ZMAT4: variants seen among roughly 807,000 people sequenced by gnomAD.
ZMAT4 encodes zinc finger matrin-type 4.
A neutral mutation model predicts 28.7 loss-of-function variants in ZMAT4; 17 were observed. The ratio of observed to expected loss-of-function variants is 0.59; its 90% confidence interval spans 0.41 to 0.89. The LOEUF is 0.89. Among genes scored for constraint, ZMAT4 ranks in the 40% least tolerant of loss-of-function variants. ZMAT4 has a pLI of 0.00. For missense variants in ZMAT4, 240 were observed against 283.8 expected, an observed-to-expected ratio of 0.85 and a Z score of 1.11; for synonymous variants, 117 against 109.2, an observed-to-expected ratio of 1.07 and a Z score of -0.44.
At chr8:40,656,725 C>CA (rs989266029) in intron 5 of ZMAT4, among the ~76,000 whole-genome samples, 6 of 151,406 alleles carry the variant, frequency 4.0e-5, no homozygotes, top group South Asian at 2.1e-4. Flanking sequence ...ATGCATATAT[C>CA]AAAAAAAACC....
chr8:40,662,098 T>G (rs2118858500), intron 5 of ZMAT4, among the ~76,000 whole-genome samples: 1 of 152,202 alleles, frequency 6.6e-6, no homozygotes, highest in Admixed American at 6.5e-5. Flanking sequence ...CAGTTCAACC[T>G]CCTGTGTAGC....
intron 5 of ZMAT4, among the ~76,000 whole-genome samples, chr8:40,617,312 T>C (rs1585765422): frequency 1.3e-5 from 2 of 152,302 alleles, no homozygotes; most frequent in South Asian, 4.1e-4. Context: ...AAATACACAT[T>C]TCGGGGTCCC....
intron 3 of ZMAT4, among the ~76,000 whole-genome samples, chr8:40,698,022 G>A (rs188661867): frequency 1.3e-5 from 2 of 152,170 alleles, no homozygotes; most frequent in Admixed American, 6.5e-5. Context: ...TTGTTATTCC[G>A]CTCTGCTTTT....
chr8:40,714,998 G>A (rs538436630), intron 3 of ZMAT4, among the ~76,000 whole-genome samples: 70 of 130,668 alleles, frequency 5.4e-4, no homozygotes, highest in African/African-American at 1.9e-3. Context: ...GCAGTGAGCC[G>A]AGATCGCTCC....
intron 2 of ZMAT4, among the ~76,000 whole-genome samples, chr8:40,802,873 C>G (rs753174741): frequency 2.6e-5 from 4 of 152,072 alleles, no homozygotes; most frequent in Non-Finnish European, 5.9e-5. Flanking sequence ...AAAGAATAGA[C>G]AAATTGACCA....
At chr8:40,645,892 G>T (rs1368732230) in intron 5 of ZMAT4, among the ~76,000 whole-genome samples, 1 of 151,994 alleles carries the variant, frequency 6.6e-6, no homozygotes. Flanking sequence ...ATATAGCAAT[G>T]TAACAATAAT....
In ZMAT4 at chr8:40,868,399, G is replaced by A. The variant is rs540432060; in HGVS notation, c.-5+29284C>T. The stretch of plus-strand genomic sequence containing the variant: ...CTGCCTGCAGGAGCAGCTAAGCCCT[G>A]CTACAGAACCACAGGGGAGGAAGTA... On this transcript the variant is annotated intron_variant, in intron 1 of 6. Coordinates refer to ENST00000297737, the MANE Select transcript of ZMAT4 (RefSeq NM_024645.3). Among the ~76,000 whole-genome samples, 197 of 152,232 alleles carry A rather than the reference G, an allele frequency of 1.3e-3. 1 individual carries two copies. The highest frequency in any genetic ancestry group is 4.5e-3 in the African/African-American group (187 of 41,548).
intron 3 of ZMAT4, among the ~76,000 whole-genome samples, chr8:40,724,782 T>C (rs1317481396): frequency 6.6e-6 from 1 of 152,080 alleles, no homozygotes; most frequent in Non-Finnish European, 1.5e-5. Context: ...CTATGTGAGA[T>C]GTGGAGATGA....
At chr8:40,684,045 G>A (rs1248270597) in intron 4 of ZMAT4, among the ~76,000 whole-genome samples, 1 of 151,618 alleles carries the variant, frequency 6.6e-6, no homozygotes, top group Admixed American at 6.6e-5. Flanking sequence ...TCTAGCCTGG[G>A]ACCAGAGGAG....
chr8:40,846,917 G>T (rs1352937464), intron 1 of ZMAT4, among the ~76,000 whole-genome samples: 1 of 152,162 alleles, frequency 6.6e-6, no homozygotes, highest in Non-Finnish European at 1.5e-5. Context: ...TAAAAAAGGA[G>T]TGGGGAATGC....
chr8:40,716,277 G>C (rs1264758364), intron 3 of ZMAT4, among the ~76,000 whole-genome samples: 3 of 152,184 alleles, frequency 2.0e-5, no homozygotes, highest in African/African-American at 7.2e-5. Context: ...CGCCAGACCT[G>C]CTGCATCAGA....
rs1812498620 is a variant in ZMAT4 at position 40,752,577 on chromosome 8, TC to T, written c.192+15063del. On this transcript the variant is annotated intron_variant, in intron 3 of 6. Coordinates refer to ENST00000297737, the MANE Select transcript of ZMAT4 (RefSeq NM_024645.3). ...GCAGTCATGGACTTAAAGATCAGCATCCCTGTGACCGCGGGACGGGACAGCA... is the reference window on the plus strand; with the variant it reads ...GCAGTCATGGACTTAAAGATCAGCATCCTGTGACCGCGGGACGGGACAGCA... Among the ~76,000 whole-genome samples the T allele has an allele frequency of 9.2e-5, 14 of 152,328 alleles. No homozygotes were observed. In the South Asian group the frequency reaches 2.7e-3, roughly 29 times the overall value.
At chr8:40,774,683 A>AAT (rs34285377) in intron 2 of ZMAT4, among the ~76,000 whole-genome samples, 60,756 of 149,592 alleles carry the variant, frequency 0.41, 13,081 homozygotes, top group Non-Finnish European at 0.48. Context: ...ATGACATAGA[A>AAT]ATATATATAT....
intron 3 of ZMAT4, among the ~76,000 whole-genome samples, chr8:40,737,841 GTACC>G (rs1811837670): frequency 6.6e-6 from 1 of 151,494 alleles, no homozygotes; most frequent in African/African-American, 2.4e-5. Flanking sequence ...GAGGATAATA[GTACC>G]TACATCAAAG....
At chr8:40,822,939 G>T (rs552807680) in intron 2 of ZMAT4, among the ~76,000 whole-genome samples, 1 of 152,294 alleles carries the variant, frequency 6.6e-6, no homozygotes, top group African/African-American at 2.4e-5. Context: ...TAAACAATTA[G>T]ATTGTGCAAC....
intron 3 of ZMAT4, among the ~76,000 whole-genome samples, chr8:40,751,638 C>T (rs913146359): frequency 2.0e-5 from 3 of 152,036 alleles, no homozygotes; most frequent in Non-Finnish European, 4.4e-5. Flanking sequence ...ATAACATCAA[C>T]CCCTGAACTA....
intron 1 of ZMAT4, among the ~76,000 whole-genome samples, chr8:40,888,069 C>T (rs1818533703): frequency 6.6e-6 from 1 of 152,166 alleles, no homozygotes; most frequent in Non-Finnish European, 1.5e-5. Context: ...GCACTATCCA[C>T]TTTTCTCAGC....
At chr8:40,867,216 C>CA (rs1817703768) in intron 1 of ZMAT4, among the ~76,000 whole-genome samples, 1 of 151,950 alleles carries the variant, frequency 6.6e-6, no homozygotes, top group Admixed American at 6.6e-5. Context: ...TTGGGGCACA[C>CA]AAAAAATACA....
At chr8:40,575,880 A>G (rs1224843975) in intron 6 of ZMAT4, among the ~76,000 whole-genome samples, 1 of 152,288 alleles carries the variant, frequency 6.6e-6, no homozygotes, top group Middle Eastern at 3.4e-3. Context: ...TCAGTGAGAT[A>G]CAAGAGAATA....
Sources: gnomAD v4.1 joint callset for allele counts (sites outside exome capture counted in the v4.1 genomes callset) on GRCh38, gnomAD v4.1.1 for gene constraint, MANE v1.5 for transcripts, NCBI Gene and HGNC (gene_info 2026-07-23, HGNC 2026-07-21) for gene names.